The following CSMD1 variants were observed in gnomAD, a reference collection of about 807,000 sequenced individuals.
CSMD1 encodes CUB and Sushi multiple domains 1.
Under a neutral mutation model 417.5 loss-of-function variants are expected in CSMD1, and 213 were observed. The ratio of observed to expected loss-of-function variants is 0.51; its 90% CI spans 0.46 to 0.57. The LOEUF (loss-of-function observed/expected upper bound fraction) is 0.57. CSMD1 is among the 20% of genes least tolerant of loss of function. CSMD1 has a pLI of 0.00. For missense variants in CSMD1, 6,923 were observed against 4,529.7 expected (o/e 1.53, Z -15.17); for synonymous variants, 2,862 against 1,736.8 (o/e 1.65, Z -16.11).
chr8:3,893,620 C>G (rs1807146294), intron 5 of CSMD1, among the ~76,000 whole-genome samples: 1 of 151,972 alleles, frequency 6.6e-6, no homozygotes, highest in African/African-American at 2.4e-5. Context: ...AATCTACTTA[C>G]TGTGCATGGT....
At chr8:3,462,666 T>C (rs113196174) in intron 12 of CSMD1, among the ~76,000 whole-genome samples, 8,647 of 152,108 alleles carry the variant, frequency 0.057, 363 homozygotes, top group East Asian at 0.15. Flanking sequence ...ACACATTACA[T>C]TGTAATAATA....
chr8:4,734,110 T>A (rs1041432623), intron 1 of CSMD1, among the ~76,000 whole-genome samples: 3 of 152,190 alleles, frequency 2.0e-5, no homozygotes, highest in African/African-American at 7.2e-5. Context: ...CAAAAGAGTT[T>A]ATTTTTATCA....
At chr8:3,178,588 C>T (rs1030339994) in intron 37 of CSMD1, among the ~76,000 whole-genome samples, 1 of 152,170 alleles carries the variant, frequency 6.6e-6, no homozygotes, top group East Asian at 1.9e-4. Flanking sequence ...TGGCTAGGAC[C>T]CAGGAAGGCT....
chr8:3,657,958 T>C (rs1379060989), intron 7 of CSMD1, among the ~76,000 whole-genome samples: 1 of 152,184 alleles, frequency 6.6e-6, no homozygotes, highest in Non-Finnish European at 1.5e-5. Context: ...TCATTGTTGA[T>C]TAATGGTAAA....
chr8:3,384,645 TATAC>T (rs1363357439), intron 18 of CSMD1, among the ~76,000 whole-genome samples: 1 of 141,502 alleles, frequency 7.1e-6, no homozygotes, highest in Non-Finnish European at 1.5e-5. Flanking sequence ...TATATTGCTA[TATAC>T]ATATAAATTA....
At chr8:4,479,033 C>G (rs932454422) in intron 2 of CSMD1, among the ~76,000 whole-genome samples, 2 of 152,128 alleles carry the variant, frequency 1.3e-5, no homozygotes, top group Non-Finnish European at 2.9e-5. Context: ...GGGAAGATAA[C>G]ACAGAGTATG....
At chr8:4,801,440 G>A (rs182117705) in intron 1 of CSMD1, among the ~76,000 whole-genome samples, 17 of 150,916 alleles carry the variant, frequency 1.1e-4, no homozygotes, top group South Asian at 6.4e-4. Context: ...TACTCTTAGC[G>A]GACTTGACAG....
intron 5 of CSMD1, among the ~76,000 whole-genome samples, chr8:3,813,746 G>A (rs956733012): frequency 2.0e-5 from 3 of 152,152 alleles, no homozygotes; most frequent in Non-Finnish European, 4.4e-5. Flanking sequence ...ATTTCTGGAG[G>A]TATGAGGGAT....
chr8:4,114,867 T>C (rs1307759955), intron 3 of CSMD1, among the ~76,000 whole-genome samples: 1 of 152,158 alleles, frequency 6.6e-6, no homozygotes, highest in Non-Finnish European at 1.5e-5. Flanking sequence ...AATCTCATGA[T>C]AAAACTTAAC....
chr8:4,797,314 G>C (rs768989101), intron 1 of CSMD1, among the ~76,000 whole-genome samples: 4 of 152,150 alleles, frequency 2.6e-5, no homozygotes, highest in African/African-American at 4.8e-5. Flanking sequence ...TCTTGCTTTT[G>C]TGGCAGCTGA....
intron 26 of CSMD1, among the ~76,000 whole-genome samples, chr8:3,245,231 C>A (rs1437954736): frequency 2.0e-5 from 3 of 152,166 alleles, no homozygotes; most frequent in Non-Finnish European, 4.4e-5. Flanking sequence ...CTTGAGTCCT[C>A]CCTGTCCACA....
chr8:4,559,918 G>C (rs1371042657), intron 2 of CSMD1, among the ~76,000 whole-genome samples: 1 of 152,218 alleles, frequency 6.6e-6, no homozygotes, highest in Non-Finnish European at 1.5e-5. Context: ...TCATGACCCT[G>C]GGTTTCCTGA....
chr8:3,270,420 G>A (rs1801757044), intron 26 of CSMD1, among the ~76,000 whole-genome samples: 1 of 151,474 alleles, frequency 6.6e-6, no homozygotes, highest in Admixed American at 6.6e-5. Context: ...GAAAAAAAAT[G>A]ATCAGTTTTA....
At chr8:4,183,822 G>A (rs1002646617) in intron 3 of CSMD1, among the ~76,000 whole-genome samples, 14 of 152,104 alleles carry the variant, frequency 9.2e-5, no homozygotes, top group Non-Finnish European at 2.1e-4. Flanking sequence ...CTTATTAAAT[G>A]TCTCCCCTCC....
At chr8:3,079,087 G>A (rs893596184) in intron 49 of CSMD1, among the ~76,000 whole-genome samples, 14 of 152,098 alleles carry the variant, frequency 9.2e-5, no homozygotes, top group East Asian at 1.9e-4. Context: ...ACTCAATTGC[G>A]GGAGCCTGAC....
At position 3,353,745 on chromosome 8, in the gene CSMD1, C is replaced by T. The variant is rs184445779; in HGVS notation, c.3304+5407G>A. 2.1e-3 allele frequency among the ~76,000 whole-genome samples: 275 copies of T among 128,094 alleles called. 1 individual carries two copies. The highest frequency in any genetic ancestry group is 2.1e-3 in the Non-Finnish European group (126 of 59,170). The allele number at this position is 128,094 out of a possible 152,430, so 84.0% of individuals were successfully genotyped here. On this transcript the variant is annotated intron_variant, in intron 21 of 69. Coordinates refer to ENST00000635120, the MANE Select transcript of CSMD1 (RefSeq NM_033225.6). The stretch of plus-strand genomic sequence containing the variant: ...AAGTTTTTCAATAGTCTATTTAATA[C>T]TAATTTAAGATGAATGAACACAGTT...
At chr8:3,273,665 GTGTATGTGTCCAGGAATTTATCCA>G (rs1221173411) in intron 26 of CSMD1, among the ~76,000 whole-genome samples, 1 of 152,202 alleles carries the variant, frequency 6.6e-6, no homozygotes, top group Non-Finnish European at 1.5e-5. Flanking sequence ...TCTTGGGAGA[GTGTATGTGTCCAGGAATTTATCCA>G]TTTCTTCTAG....
chr8:3,539,575 A>G (rs1798351749), intron 10 of CSMD1, among the ~76,000 whole-genome samples: 1 of 152,144 alleles, frequency 6.6e-6, no homozygotes. Flanking sequence ...AAGTTGTAAC[A>G]CTTCGCCAAG....
intron 6 of CSMD1, among the ~76,000 whole-genome samples, chr8:3,739,598 A>T (rs191026298): frequency 5.8e-4 from 89 of 152,324 alleles, no homozygotes; most frequent in Middle Eastern, 6.8e-3. Context: ...GAAAACTAAC[A>T]CATTAAGTCT....
Sources: allele counts gnomAD v4.1 joint callset (sites outside exome capture counted in the v4.1 genomes callset), GRCh38; gene constraint gnomAD v4.1.1; transcripts MANE v1.5; gene names NCBI Gene and HGNC (gene_info 2026-07-23, HGNC 2026-07-21).